GMCL1: variants seen among roughly 807,000 people sequenced by gnomAD.
The protein encoded by GMCL1 is germ cell-less protein-like 1.
In GMCL1, 54 loss-of-function variants were observed where a neutral mutation model predicts 75.5. That is an observed-to-expected ratio of 0.71 (90% confidence interval 0.57 to 0.90). The LOEUF (loss-of-function observed/expected upper bound fraction) is 0.90, where lower values mean the gene tolerates loss of function less well. Ranked by LOEUF, GMCL1 falls within the 40% of genes least tolerant of loss-of-function variation. The pLI is 0.00. For synonymous variants in GMCL1, 210 were observed against 209.6 expected (o/e 1.00, Z -0.02); for missense variants, 537 against 622.7 (o/e 0.86, Z 1.47).
At chr2:69,876,194 A>G (rs540043743) in intron 13 of GMCL1, among the ~76,000 whole-genome samples, 1 of 152,370 alleles carries the variant, frequency 6.6e-6, no homozygotes, top group African/African-American at 2.4e-5. Flanking sequence ...CAATAAAACA[A>G]TTTATGATTA....
chr2:69,865,539 C>T (rs1675787319), intron 11 of GMCL1, among the ~76,000 whole-genome samples: 4 of 151,892 alleles, frequency 2.6e-5, no homozygotes, highest in African/African-American at 9.7e-5. Context: ...ACCCAGCTAC[C>T]AGGGAGGCTG....
chr2:69,838,683 G>A (rs1674894539), intron 2 of GMCL1, among the ~76,000 whole-genome samples: 1 of 152,068 alleles, frequency 6.6e-6, no homozygotes, highest in Non-Finnish European at 1.5e-5. Flanking sequence ...TCAGAATATT[G>A]CTTTTAACTT....
intron 9 of GMCL1, among the ~76,000 whole-genome samples, chr2:69,856,172 A>T (rs1025362476): frequency 4.6e-5 from 7 of 152,218 alleles, no homozygotes; most frequent in Non-Finnish European, 8.8e-5. Context: ...AATTCACATT[A>T]TTGAGATAGG....
intron 13 of GMCL1, among the ~76,000 whole-genome samples, chr2:69,872,817 A>G (rs1004676924): frequency 2.0e-5 from 3 of 152,220 alleles, no homozygotes; most frequent in Admixed American, 6.5e-5. Context: ...GACAATGACT[A>G]TCTTTATCTT....
chr2:69,869,024 G>A (rs1211445246), intron 11 of GMCL1, among the ~76,000 whole-genome samples: 4 of 151,562 alleles, frequency 2.6e-5, no homozygotes, highest in African/African-American at 9.7e-5. Context: ...AGGCCGAGGC[G>A]GGCGGATCAC....
At position 69,880,212 on chromosome 2, in the gene GMCL1, T is replaced by A. The variant is rs1278525138; in HGVS notation, c.*1208T>A. Reference sequence around the variant, plus strand: ...TTTATTATGGTTTTTAAAATGGGAATCATTTTTATGTATCTGTGCAAATAA... The same window carrying A: ...TTTATTATGGTTTTTAAAATGGGAAACATTTTTATGTATCTGTGCAAATAA... On this transcript the variant is annotated 3_prime_UTR_variant, in exon 14 of 14. Transcript: ENST00000282570. 1 of 152,152 alleles carries A rather than the reference T, an allele frequency of 6.6e-6. No individual in the cohort carries two copies. The allele number at this position is 152,152 out of a possible 1,614,324, so 9.4% of individuals were successfully genotyped here. A position where few individuals can be genotyped will look rare whatever the true frequency, so the allele number is the denominator to read the frequency against.
intron 11 of GMCL1, among the ~76,000 whole-genome samples, chr2:69,866,376 C>G (rs930978244): frequency 6.6e-6 from 1 of 152,048 alleles, no homozygotes; most frequent in Non-Finnish European, 1.5e-5. Context: ...AAAAATCAAC[C>G]TTATATAGAT....
At chr2:69,870,381 A>G (rs568387832) in intron 12 of GMCL1, among the ~76,000 whole-genome samples, 27 of 152,148 alleles carry the variant, frequency 1.8e-4, no homozygotes, top group Non-Finnish European at 3.4e-4. Context: ...CAAAGATCTA[A>G]GCATAAGAAC....
At chr2:69,870,557 A>G (rs1463182688) in intron 12 of GMCL1, among the ~76,000 whole-genome samples, 2 of 152,190 alleles carry the variant, frequency 1.3e-5, no homozygotes, top group African/African-American at 4.8e-5. Flanking sequence ...GACAGTGTCA[A>G]GACAGTGAAA....
At chr2:69,860,120 G>A (rs1050646159) in intron 9 of GMCL1, among the ~76,000 whole-genome samples, 8 of 152,062 alleles carry the variant, frequency 5.3e-5, no homozygotes, top group Non-Finnish European at 8.8e-5. Flanking sequence ...TTCTGCCTCA[G>A]CCTCCTGAGT....
intron 1 of GMCL1, among the ~76,000 whole-genome samples, chr2:69,834,033 G>A (rs1487712970): frequency 1.3e-5 from 2 of 152,174 alleles, no homozygotes; most frequent in African/African-American, 4.8e-5. Flanking sequence ...ACAGTCATAT[G>A]GAATCTTTTC....
At chr2:69,871,883 C>A in intron 13 of GMCL1, 51 bp downstream of exon 13, 1 of 1,155,138 alleles carries the variant, frequency 8.7e-7, no homozygotes, top group Non-Finnish European at 1.3e-6. Flanking sequence ...TCTTTTGAAT[C>A]CTCTTTTGAA....
intron 13 of GMCL1, among the ~76,000 whole-genome samples, chr2:69,874,000 ATATT>A (rs1397289278): frequency 1.3e-5 from 2 of 149,318 alleles, no homozygotes; most frequent in Non-Finnish European, 3.0e-5. Context: ...CAATAAATAT[ATATT>A]CACAGCATCA....
chr2:69,873,655 G>A lies in GMCL1; in HGVS notation c.1452+1823G>A, dbSNP rs143713366. 9 of 164,436 alleles carry A rather than the reference G, an allele frequency of 5.5e-5. No individual in the cohort carries two copies. The East Asian group carries it at 8.5e-4, about 15-fold the overall frequency. 10.2% of individuals were successfully genotyped at this position (164,436 alleles called of 1,614,324 possible). ...TCTTCTCTCCATCAGCCCTGATCAC[G>A]GTGTTGATCTTGGCCACATTGGTGT... On this transcript the variant is annotated intron_variant, in intron 13 of 13. Coordinates refer to ENST00000282570, the MANE Select transcript of GMCL1 (RefSeq NM_178439.5).
At chr2:69,842,990 T>TAA (rs75708775) in intron 4 of GMCL1, 159 bp from the exon 5 acceptor site, 2,700 of 212,392 alleles carry the variant, frequency 0.013, no homozygotes, top group South Asian at 0.02. Context: ...TTGGACTTGT[T>TAA]AAAAAAAAAA....
intron 1 of GMCL1, among the ~76,000 whole-genome samples, chr2:69,834,121 C>CT (rs1421886426): frequency 6.6e-6 from 1 of 152,050 alleles, no homozygotes; most frequent in Non-Finnish European, 1.5e-5. Flanking sequence ...TTTTGTATTG[C>CT]TTTTTTATTG....
chr2:69,859,016 C>G (rs1052236620), intron 9 of GMCL1, among the ~76,000 whole-genome samples: 16 of 151,814 alleles, frequency 1.1e-4, no homozygotes, highest in Non-Finnish European at 8.8e-5. Flanking sequence ...TGTGGTGGCA[C>G]ATGCCTGTAA....
chr2:69,871,864 T>G (rs995939097), intron 13 of GMCL1, 32 bp downstream of exon 13: 5 of 1,276,344 alleles, frequency 3.9e-6, no homozygotes, highest in Non-Finnish European at 5.6e-6. Flanking sequence ...TATGTCATCA[T>G]AATATTTGTC....
chr2:69,874,372 T>C (rs1437047945), intron 13 of GMCL1, among the ~76,000 whole-genome samples: 4 of 152,080 alleles, frequency 2.6e-5, no homozygotes, highest in Non-Finnish European at 4.4e-5. Flanking sequence ...TCTTTTTGTT[T>C]GTTTGTTTTG....
Sources: allele counts gnomAD v4.1 joint callset (sites outside exome capture counted in the v4.1 genomes callset), GRCh38; gene constraint gnomAD v4.1.1; transcripts MANE v1.5; gene names NCBI Gene and HGNC (gene_info 2026-07-23, HGNC 2026-07-21).